RAD51AP2: variants seen among roughly 807,000 people sequenced by gnomAD.
The protein encoded by RAD51AP2 is RAD51 associated protein 2.
RAD51AP2 carries 67 observed loss-of-function variants against 85.5 expected under a neutral mutation model. The ratio of observed to expected loss-of-function variants is 0.78; its 90% confidence interval spans 0.64 to 0.96. RAD51AP2 has a LOEUF of 0.96. Among genes scored for constraint, RAD51AP2 ranks in the 40% least tolerant of loss-of-function variants. The probability of loss-of-function intolerance (pLI) is 0.00; values close to 1 mark genes in which losing one functional copy is unlikely to be tolerated. For missense variants in RAD51AP2, 1,307 were observed against 1,332.4 expected (o/e 0.98, Z 0.30); for synonymous variants, 474 against 446.5 (o/e 1.06, Z -0.78).
Position 17,517,215 on chromosome 2 carries a change from G to A in RAD51AP2, c.1201C>T (p.His401Tyr). ...TTTCCTCTATTTCTTCTCAAAATAT[G>A]TCTAACGTTACAGTCCCAGTTTTGA... ...KSQNWDCNVR[H>Y]ILRRNRGNCW... The change falls in exon 1 of 3, where the codon CAT becomes TAT. Residue 401 changes from histidine (H) to tyrosine (Y), a missense_variant. Around this residue, in one of 3 missense-constraint regions of RAD51AP2, gnomAD observed 635 missense variants for 643.6 expected, o/e 0.99. Transcript: ENST00000399080. 3 of 1,613,502 alleles carry A rather than the reference G, an allele frequency of 1.9e-6. No individual in the cohort carries two copies. Among genetic ancestry groups the A allele is most frequent in the African/African-American group, 1.3e-5 (1 of 74,934 alleles).
At chr2:17,523,131 C>T (rs993215718), upstream of RAD51AP2, among the ~76,000 whole-genome samples, 4 of 151,870 alleles carry the variant, frequency 2.6e-5, no homozygotes, top group African/African-American at 9.7e-5. Flanking sequence ...GAACCTACCT[C>T]ATAGATTGCT....
intron 1 of RAD51AP2, 144 bp downstream of exon 1, chr2:17,515,025 G>T: frequency 6.2e-6 from 3 of 480,768 alleles, no homozygotes; most frequent in Non-Finnish European, 6.7e-6. Context: ...AAAAAAGAAA[G>T]AAAATAGTGT....
At chr2:17,530,715 T>C in the RAD51AP2 span, among the ~76,000 whole-genome samples, 1 of 151,936 alleles carries the variant, frequency 6.6e-6, no homozygotes, top group Non-Finnish European at 1.5e-5. Context: ...ATAATAATAT[T>C]AATGGTCCAT....
Position 17,516,635 on chromosome 2 carries a change from A to G in RAD51AP2, c.1781T>C (p.Leu594Ser). 1.9e-6 allele frequency: 3 copies of G among 1,572,892 alleles called. No individual in the cohort carries two copies. Among genetic ancestry groups the G allele is most frequent in the Non-Finnish European group, 2.6e-6 (3 of 1,162,202 alleles). ...TTCAAAATCATTTTCAATTCTTGTT[A>G]AAGAGTCAAAGTTATTGAGCAAAAA... is the stretch of plus-strand genomic sequence containing the variant. Reference protein sequence around the residue: ...IAFLLNNFDSLTRIENDFELE... With the variant: ...IAFLLNNFDSSTRIENDFELE... Residue 594 changes from leucine (L) to serine (S), a missense_variant, in exon 1 of 3, where the codon TTA becomes TCA. Leu to Ser is a moderately radical substitution (Grantham distance 145). This residue lies in a region of RAD51AP2 where 668 missense variants were observed against 671.0 expected (regional missense o/e 1.00). Coordinates refer to ENST00000399080, the MANE Select transcript of RAD51AP2 (RefSeq NM_001099218.3).
rs140673266 is a variant in RAD51AP2 at position 17,515,535 on chromosome 2, C to A, written c.2881G>T (p.Asp961Tyr). Residue 961 changes from aspartate (D) to tyrosine (Y), a missense_variant, in exon 1 of 3, where the codon GAT (aspartate) becomes TAT (tyrosine). Physicochemically the swap from Asp to Tyr is radical, Grantham distance 160. Transcript: ENST00000399080. ...LSTEALTIVK[D>Y]FEMKRKFDLV... ...TCAAATTTTCTCTTCATCTCAAAAT[C>A]TTTTACTATTGTCAGAGCTTCTGTT... is the stretch of plus-strand genomic sequence containing the variant. 1.4e-4 allele frequency: 229 copies of A among 1,608,652 alleles called. 1 individual carries two copies. The African/African-American group carries it at 1.5e-3, about 10-fold the overall frequency.
rs1466270054 is a variant in RAD51AP2, at chr2:17,518,336, T to A, written c.80A>T (p.Asp27Val). Residue 27 changes from aspartate (D) to valine (V), a missense_variant, in exon 1 of 3, where the codon GAT (aspartate) becomes GTT (valine). Asp to Val is a radical substitution (Grantham distance 152, BLOSUM62 -3). Around this residue, in one of 3 missense-constraint regions of RAD51AP2, gnomAD observed 635 missense variants for 643.6 expected, o/e 0.99. Transcript: ENST00000399080. ...CCGCTTGCTACTAGGTGGTTGGGAA[T>A]CCGGGTCCTCAGGAGGCGTTAAAGA... is the stretch of plus-strand genomic sequence containing the variant. ...TSSLTPPEDP[D>V]SQPPSSKRLC... 1.2e-6 allele frequency: 2 copies of A among 1,613,936 alleles called. No individual in the cohort carries two copies. The highest frequency in any genetic ancestry group is 1.7e-6 in the Non-Finnish European group (2 of 1,180,022).
chr2:17,517,760 G>A lies in RAD51AP2; in HGVS notation c.656C>T (p.Pro219Leu), dbSNP rs377412499. ...AATGTTATTTTCTCTTTTATTTGAT[G>A]GCACAACACTGTTAGCTTTACATCT... ...KNRCKANSVV[P>L]SNKRENNISS... Residue 219 changes from proline (P) to leucine (L), a missense_variant, in exon 1 of 3, where the codon CCA becomes CTA. Transcript: ENST00000399080. 7.7e-5 allele frequency: 125 copies of A among 1,613,350 alleles called. No individual in the cohort carries two copies. Among genetic ancestry groups the A allele is most frequent in the Non-Finnish European group, 1.1e-4 (124 of 1,179,694 alleles).
rs777648847 is a variant in RAD51AP2, at chr2:17,515,413, A to G, written c.3003T>C (p.Phe1001=). The change falls in exon 1 of 3, where the codon TTT becomes TTC. Residue 1001 remains phenylalanine (F), a synonymous_variant. Coordinates refer to ENST00000399080, the MANE Select transcript of RAD51AP2 (RefSeq NM_001099218.3). ...TTACCTTCTCAGCATCATTTTCTCC[A>G]AAGTAATTTTCTTGCCCATTGTTTG... is the stretch of plus-strand genomic sequence containing the variant. ...VETNNGQENY[F]GENDAEKVKM... 6.8e-6 allele frequency: 11 copies of G among 1,612,090 alleles called. No homozygotes were observed. In the South Asian group the frequency reaches 1.1e-4, roughly 16 times the overall value.
intron 2 of RAD51AP2, among the ~76,000 whole-genome samples, chr2:17,512,017 G>T (rs1662507190): frequency 6.6e-6 from 1 of 152,118 alleles, no homozygotes; most frequent in African/African-American, 2.4e-5. Flanking sequence ...TCCTCCATTG[G>T]TCTAAATGAT....
rs1662468165 is a variant in RAD51AP2, at chr2:17,510,780, G to A, written c.*24C>T. 6 of 1,467,986 alleles carry A rather than the reference G, an allele frequency of 4.1e-6. No homozygotes were observed. Among genetic ancestry groups the A allele is most frequent in the Non-Finnish European group, 5.6e-6 (6 of 1,076,240 alleles). The allele number at this position is 1,467,986 out of a possible 1,614,324, so 90.9% of individuals were successfully genotyped here. On this transcript the variant is annotated 3_prime_UTR_variant, in exon 3 of 3. Coordinates refer to ENST00000399080, the MANE Select transcript of RAD51AP2 (RefSeq NM_001099218.3). Reference sequence around the variant, plus strand: ...AGAAAACAAAACATTTCTAGATGTTGTAAAATGTTTTGAAATATGAAAGTC... The same window carrying A: ...AGAAAACAAAACATTTCTAGATGTTATAAAATGTTTTGAAATATGAAAGTC...
chr2:17,526,095 A>C, the RAD51AP2 span, among the ~76,000 whole-genome samples: 1 of 151,916 alleles, frequency 6.6e-6, no homozygotes, highest in Non-Finnish European at 1.5e-5. Context: ...ATGTATAAGT[A>C]ATATAATGAA....
upstream of RAD51AP2, among the ~76,000 whole-genome samples, chr2:17,519,212 A>G (rs902436749): frequency 6.6e-6 from 1 of 152,034 alleles, no homozygotes; most frequent in Non-Finnish European, 1.5e-5. Flanking sequence ...GTGTAAACAT[A>G]ATAATACAGG....
upstream of RAD51AP2, among the ~76,000 whole-genome samples, chr2:17,519,646 A>G (rs944519892): frequency 2.6e-5 from 4 of 152,180 alleles, no homozygotes; most frequent in Admixed American, 2.0e-4. Flanking sequence ...ACTTCAGTGT[A>G]AATTCCTCTA....
Position 17,515,468 on chromosome 2 carries a change from C to G in RAD51AP2, c.2948G>C (p.Arg983Thr). 6.2e-7 allele frequency: 1 copy of G among 1,613,394 alleles called. No homozygotes were observed. Residue 983 changes from arginine to threonine, a missense_variant, in exon 1 of 3, where the codon AGG becomes ACG. By Grantham distance (71) the Arg-to-Thr change is moderately conservative. This residue lies in a region of RAD51AP2 where 668 missense variants were observed against 671.0 expected (regional missense o/e 1.00). Transcript: ENST00000399080. ...EELRMFHEIS[R>T]ENELLSTVET... ...CACAGTGCTTAGAAGTTCATTTTCCCTACTAATTTCATGAAACATACGAAG... is the reference window on the plus strand; with the variant it reads ...CACAGTGCTTAGAAGTTCATTTTCCGTACTAATTTCATGAAACATACGAAG...
In RAD51AP2 at chr2:17,516,420, G is replaced by C. The variant is rs779746505; in HGVS notation, c.1996C>G (p.Leu666Val). 9.4e-6 allele frequency: 15 copies of C among 1,598,542 alleles called. No individual in the cohort carries two copies. The Admixed American group carries it at 1.2e-4, about 13-fold the overall frequency. Residue 666 changes from leucine to valine, a missense_variant, in exon 1 of 3, where the codon CTC (leucine) becomes GTC (valine). Leu to Val is a conservative substitution (Grantham distance 32, BLOSUM62 1). Coordinates refer to ENST00000399080, the MANE Select transcript of RAD51AP2 (RefSeq NM_001099218.3). The part of the protein sequence containing the change: ...EQVFEKSKKK[L>V]INSFSMTTQN... ...GTTGTCATACTGAAGGAATTAATGA[G>C]TTTTTTCTTAGACTTTTCAAAAACT...
rs774234778 is a variant in RAD51AP2, at chr2:17,516,486, T to G, written c.1930A>C (p.Lys644Gln). ...TSSRLLEDNMKPMLKKRKLFR... is the reference protein window; with the variant it reads ...TSSRLLEDNMQPMLKKRKLFR... ...AACTTCCTTTTCTTTAACATAGGTT[T>G]CATATTATCTTCTAATAGTCTTGAA... Residue 644 changes from lysine to glutamine, a missense_variant, in exon 1 of 3, where the codon AAA becomes CAA. Around this residue, in one of 3 missense-constraint regions of RAD51AP2, gnomAD observed 668 missense variants for 671.0 expected, o/e 1.00. Coordinates refer to ENST00000399080, the MANE Select transcript of RAD51AP2 (RefSeq NM_001099218.3). 4 of 1,538,070 alleles carry G rather than the reference T, an allele frequency of 2.6e-6. No homozygotes were observed. The South Asian group carries it at 4.8e-5, about 19-fold the overall frequency.
chr2:17,511,675 A>G (rs890227744), intron 2 of RAD51AP2, among the ~76,000 whole-genome samples: 1 of 152,202 alleles, frequency 6.6e-6, no homozygotes, highest in Non-Finnish European at 1.5e-5. Flanking sequence ...ACCTCAATAT[A>G]ATAGCCTGTT....
Position 17,515,559 on chromosome 2 carries a change from T to C in RAD51AP2, c.2857A>G (p.Thr953Ala), listed in dbSNP as rs1276976643. The change falls in exon 1 of 3, where the codon ACA (threonine) becomes GCA (alanine). Residue 953 changes from threonine (T) to alanine (A), a missense_variant. Coordinates refer to ENST00000399080, the MANE Select transcript of RAD51AP2 (RefSeq NM_001099218.3). ...FQDLAAKYLS[T>A]EALTIVKDFE... ...TCTTTTACTATTGTCAGAGCTTCTG[T>C]TGATAAATATTTAGCAGCTAAGTCC... 4 of 1,608,342 alleles carry C rather than the reference T, an allele frequency of 2.5e-6. No homozygotes were observed. Among genetic ancestry groups the C allele is most frequent in the Middle Eastern group, 1.7e-4 (1 of 6,048 alleles).
At position 17,516,471 on chromosome 2, in the gene RAD51AP2, T is replaced by C. The variant is rs1469965511; in HGVS notation, c.1945A>G (p.Lys649Glu). 6.4e-7 allele frequency: 1 copy of C among 1,550,508 alleles called. No individual in the cohort carries two copies. Among genetic ancestry groups the C allele is most frequent in the Non-Finnish European group, 8.8e-7 (1 of 1,141,064 alleles). Residue 649 changes from lysine to glutamate, a missense_variant, in exon 1 of 3, where the codon AAA (lysine) becomes GAA (glutamate). Physicochemically the swap from Lys to Glu is moderately conservative, Grantham distance 56. Transcript: ENST00000399080. ...TGTTCAGTTCTAAATAACTTCCTTT[T>C]CTTTAACATAGGTTTCATATTATCT... Reference protein sequence around the residue: ...LEDNMKPMLKKRKLFRTEQVF... With the variant: ...LEDNMKPMLKERKLFRTEQVF...
Sources: allele counts gnomAD v4.1 joint callset (sites outside exome capture counted in the v4.1 genomes callset), GRCh38; gene constraint gnomAD v4.1.1; regional missense constraint gnomAD v4.1.1; transcripts MANE v1.5; gene names NCBI Gene and HGNC (gene_info 2026-07-23, HGNC 2026-07-21).